The following RGS6 variants were observed in gnomAD, a reference collection of about 807,000 sequenced individuals.
RGS6 encodes the protein regulator of G protein signaling 6.
RGS6 carries 30 observed loss-of-function variants against 78.5 expected under a neutral mutation model. The observed-to-expected ratio is 0.38, with a 90% CI of 0.29 to 0.52. The LOEUF (loss-of-function observed/expected upper bound fraction) is 0.52, where lower values mean the gene tolerates loss of function less well. Ranked by LOEUF, RGS6 falls within the 20% of genes least tolerant of loss-of-function variation. The pLI is 0.85. For synonymous variants in RGS6, 206 were observed against 206.0 expected, an observed-to-expected ratio of 1.00 and a Z score of 0.00; for missense variants, 495 against 609.7, an observed-to-expected ratio of 0.81 and a Z score of 1.98.
chr14:72,249,787 A>T (rs2055158921), intron 2 of RGS6, among the ~76,000 whole-genome samples: 1 of 152,118 alleles, frequency 6.6e-6, no homozygotes, highest in Non-Finnish European at 1.5e-5. Context: ...AGACACATGC[A>T]CACGTATGTT....
In RGS6 at chr14:72,332,712, A is replaced by G. The variant is rs1417197566; in HGVS notation, c.85-19383A>G. On this transcript the variant is annotated intron_variant, in intron 2 of 17. Coordinates refer to ENST00000553525, the MANE Select transcript of RGS6 (RefSeq NM_001204424.2). ...CTCTCCTTGTCTCATCTCACTTTTCAGGTGAGCTTCCTTTCTCTCCTACCA... is the reference window on the plus strand; with the variant it reads ...CTCTCCTTGTCTCATCTCACTTTTCGGGTGAGCTTCCTTTCTCTCCTACCA... 2.0e-5 allele frequency among the ~76,000 whole-genome samples: 3 copies of G among 152,192 alleles called. No individual in the cohort carries two copies. The South Asian group carries it at 6.2e-4, about 32-fold the overall frequency.
chr14:71,877,362 C>A, the RGS6 span, among the ~76,000 whole-genome samples: 1 of 152,180 alleles, frequency 6.6e-6, no homozygotes, highest in Non-Finnish European at 1.5e-5. Flanking sequence ...TTCTTGGAGG[C>A]TTTGTTTATT....
At chr14:72,176,732 T>A (rs1375954601) in intron 2 of RGS6, among the ~76,000 whole-genome samples, 1 of 152,194 alleles carries the variant, frequency 6.6e-6, no homozygotes. Flanking sequence ...CTAGGGAAGA[T>A]TTATTTTAAA....
At chr14:72,509,413 T>C (rs1357872760) in intron 13 of RGS6, among the ~76,000 whole-genome samples, 1 of 151,434 alleles carries the variant, frequency 6.6e-6, no homozygotes, top group Admixed American at 6.6e-5. Flanking sequence ...CCTTGCTGTC[T>C]AGATTTGATT....
At chr14:72,476,910 A>G (rs527651729) in intron 11 of RGS6, 70 bp downstream of exon 11, 4 of 1,351,318 alleles carry the variant, frequency 3.0e-6, no homozygotes, top group Middle Eastern at 1.8e-4. Flanking sequence ...CAAATGTTCA[A>G]CTCTGAAGAT....
chr14:72,334,785 C>G (rs932786564), intron 2 of RGS6, among the ~76,000 whole-genome samples: 3 of 152,010 alleles, frequency 2.0e-5, no homozygotes, highest in African/African-American at 7.3e-5. Context: ...AGAGGGACTC[C>G]CCTCCCTCCA....
chr14:72,322,405 C>G (rs1354536314), intron 2 of RGS6, among the ~76,000 whole-genome samples: 1 of 151,858 alleles, frequency 6.6e-6, no homozygotes, highest in Non-Finnish European at 1.5e-5. Context: ...AGAAGAAATA[C>G]AGAATGTGGA....
chr14:71,896,679 T>C, the RGS6 span, among the ~76,000 whole-genome samples: 6 of 152,176 alleles, frequency 3.9e-5, no homozygotes, highest in Non-Finnish European at 8.8e-5. Context: ...ACAAAAGGAC[T>C]CTTGAACTCA....
At chr14:72,255,180 TG>T (rs1171476582) in intron 2 of RGS6, among the ~76,000 whole-genome samples, 1 of 152,052 alleles carries the variant, frequency 6.6e-6, no homozygotes, top group Non-Finnish European at 1.5e-5. Flanking sequence ...GGTTTAGGAT[TG>T]GCTAATTTGA....
At chr14:71,941,541 T>C (rs1395359391) in intron 1 of RGS6, among the ~76,000 whole-genome samples, 2 of 152,200 alleles carry the variant, frequency 1.3e-5, no homozygotes. Context: ...GGTCCCACAA[T>C]AGGCTATCTG....
intron 2 of RGS6, among the ~76,000 whole-genome samples, chr14:72,244,246 TTTTA>T (rs998967193): frequency 3.0e-5 from 4 of 131,932 alleles, no homozygotes; most frequent in African/African-American, 1.2e-4. Context: ...TGCTTTTGTT[TTTTA>T]TTTGTCTAAC....
At chr14:72,217,851 A>G (rs2045946727) in intron 2 of RGS6, among the ~76,000 whole-genome samples, 1 of 152,088 alleles carries the variant, frequency 6.6e-6, no homozygotes, top group Non-Finnish European at 1.5e-5. Flanking sequence ...AATGCCAAAC[A>G]CTCCAGGTAT....
chr14:72,239,946 T>C (rs974754249), intron 2 of RGS6, among the ~76,000 whole-genome samples: 2 of 152,242 alleles, frequency 1.3e-5, no homozygotes, highest in African/African-American at 4.8e-5. Flanking sequence ...AAATGCTCAC[T>C]AACACCACTG....
At chr14:72,184,882 A>C (rs911059507) in intron 2 of RGS6, among the ~76,000 whole-genome samples, 2 of 152,232 alleles carry the variant, frequency 1.3e-5, no homozygotes, top group African/African-American at 4.8e-5. Flanking sequence ...ATAGATGTAC[A>C]TATGAAAGGG....
chr14:72,305,371 T>C (rs964523173), intron 2 of RGS6, among the ~76,000 whole-genome samples: 2 of 152,236 alleles, frequency 1.3e-5, no homozygotes, highest in Non-Finnish European at 2.9e-5. Context: ...GCGTTCTTTG[T>C]TGTGATTCAC....
chr14:72,106,313 C>T (rs1468669771), intron 2 of RGS6, among the ~76,000 whole-genome samples: 1 of 152,116 alleles, frequency 6.6e-6, no homozygotes, highest in Non-Finnish European at 1.5e-5. Context: ...ATCAGCATTG[C>T]CTTGGAAGTT....
chr14:72,349,587 T>C (rs2078736146), intron 2 of RGS6, among the ~76,000 whole-genome samples: 1 of 152,182 alleles, frequency 6.6e-6, no homozygotes, highest in Non-Finnish European at 1.5e-5. Context: ...TGGAGTGTAG[T>C]CTTCTTTCTG....
At chr14:71,996,929 G>C (rs960679468) in intron 2 of RGS6, among the ~76,000 whole-genome samples, 1 of 152,152 alleles carries the variant, frequency 6.6e-6, no homozygotes, top group Non-Finnish European at 1.5e-5. Flanking sequence ...TCAAGGTGGG[G>C]GCCTGGGCAG....
chr14:72,574,673 G>A, the RGS6 span, among the ~76,000 whole-genome samples: 1 of 152,210 alleles, frequency 6.6e-6, no homozygotes. Context: ...ACTGTGATGC[G>A]AGTAAGAGGG....
Sources: allele counts gnomAD v4.1 joint callset (sites outside exome capture counted in the v4.1 genomes callset), GRCh38; gene constraint gnomAD v4.1.1; transcripts MANE v1.5; gene names NCBI Gene and HGNC (gene_info 2026-07-23, HGNC 2026-07-21).